MELK: variants seen among roughly 807,000 people sequenced by gnomAD.
MELK encodes the protein pEg3 kinase.
MELK carries 81 observed loss-of-function variants against 85.0 expected under a neutral mutation model. That is an observed-to-expected ratio of 0.95 (90% CI 0.80 to 1.15). MELK has a LOEUF of 1.15. Ranked by LOEUF, MELK falls within the 50% of genes most tolerant of loss-of-function variation. The probability of loss-of-function intolerance (pLI) is 0.00; values close to 1 mark genes in which losing one functional copy is unlikely to be tolerated. For missense variants in MELK, 754 were observed against 777.5 expected, an observed-to-expected ratio of 0.97 and a Z score of 0.36; for synonymous variants, 252 against 265.0, an observed-to-expected ratio of 0.95 and a Z score of 0.48.
intron 4 of MELK, among the ~76,000 whole-genome samples, chr9:36,589,920 GTTTTTT>G (rs566073692): frequency 7.9e-6 from 1 of 125,812 alleles, no homozygotes. Context: ...ACTCATTCTA[GTTTTTT>G]TTTTTTTTTT....
At chr9:36,650,887 AACATGTTGAGAGG>A (rs765425387) in intron 11 of MELK, among the ~76,000 whole-genome samples, 18 of 152,190 alleles carry the variant, frequency 1.2e-4, no homozygotes, top group Non-Finnish European at 2.4e-4. Context: ...GATGTGTGTG[AACATGTTGAGAGG>A]AGGTAAAGTG....
chr9:36,587,807 G>A (rs1017411024), intron 3 of MELK, among the ~76,000 whole-genome samples: 5 of 147,396 alleles, frequency 3.4e-5, no homozygotes, highest in African/African-American at 7.6e-5. Flanking sequence ...ACAGAGTCTC[G>A]CTGTGTCCCC....
At position 36,675,014 on chromosome 9, in the gene MELK, G is replaced by C. The variant is rs373014338; in HGVS notation, c.1778+77G>C. On this transcript the variant is annotated intron_variant, in intron 17 of 17. Transcript: ENST00000298048. ...GAGAAAATAGGAGTTGGTTGGGCGC[G>C]GTGGCTCACGCCTGTAATCCCAGCA... 8.1e-5 allele frequency: 83 copies of C among 1,022,658 alleles called. 1 individual carries two copies. In the East Asian group the frequency reaches 9.7e-4, roughly 12 times the overall value. The allele number at this position is 1,022,658 out of a possible 1,614,324, so 63.3% of individuals were successfully genotyped here.
chr9:36,614,127 C>T (rs1353249973), intron 8 of MELK, among the ~76,000 whole-genome samples: 2 of 147,598 alleles, frequency 1.4e-5, no homozygotes, highest in South Asian at 2.1e-4. Context: ...GACAGAGTCT[C>T]GCCCTGTCGT....
At chr9:36,617,413 A>G (rs933502957) in intron 8 of MELK, among the ~76,000 whole-genome samples, 1 of 151,710 alleles carries the variant, frequency 6.6e-6, no homozygotes, top group African/African-American at 2.4e-5. Flanking sequence ...GTTCATTGCA[A>G]CCTCAATTTC....
chr9:36,647,350 C>G (rs1340057011), intron 11 of MELK, among the ~76,000 whole-genome samples: 1 of 152,100 alleles, frequency 6.6e-6, no homozygotes, highest in Non-Finnish European at 1.5e-5. Flanking sequence ...GTACATGGGG[C>G]TATCATAGAT....
At chr9:36,584,650 T>G (rs112550351) in intron 3 of MELK, among the ~76,000 whole-genome samples, 2,681 of 151,886 alleles carry the variant, frequency 0.018, 72 homozygotes, top group African/African-American at 0.058. Flanking sequence ...TATTTTCTTA[T>G]GATACTCTTA....
intron 13 of MELK, among the ~76,000 whole-genome samples, chr9:36,661,947 A>AC (rs1398366856): frequency 3.1e-4 from 47 of 151,142 alleles, no homozygotes; most frequent in African/African-American, 1.0e-3. Flanking sequence ...AAAAAAAAAA[A>AC]AAAAAAAAAC....
intron 13 of MELK, among the ~76,000 whole-genome samples, chr9:36,660,987 G>A (rs1372504085): frequency 2.6e-5 from 4 of 151,968 alleles, no homozygotes; most frequent in South Asian, 2.1e-4. Flanking sequence ...GCAAAACTCC[G>A]TCTCAAATAA....
At chr9:36,640,385 G>T (rs12376444) in intron 10 of MELK, among the ~76,000 whole-genome samples, 1 of 152,144 alleles carries the variant, frequency 6.6e-6, no homozygotes, top group Non-Finnish European at 1.5e-5. Flanking sequence ...GTGTCCTCAC[G>T]TGGTGGAACG....
At chr9:36,599,013 G>T (rs144512994) in intron 6 of MELK, among the ~76,000 whole-genome samples, 97 of 152,148 alleles carry the variant, frequency 6.4e-4, no homozygotes, top group African/African-American at 2.2e-3. Context: ...AATTTTTATC[G>T]GCCAGGCGTG....
chr9:36,654,828 G>C (rs907058719), intron 12 of MELK, among the ~76,000 whole-genome samples: 2 of 152,118 alleles, frequency 1.3e-5, no homozygotes, highest in African/African-American at 2.4e-5. Context: ...TTTTATGGCA[G>C]ATCAAGAGAC....
chr9:36,607,607 T>C lies in MELK; in HGVS notation c.600T>C (p.Tyr200=). The stretch of plus-strand genomic sequence containing the variant: ...TTTGGAGCATGGGCATACTGTTATA[T>C]GTTCTTATGTGTGGATTTCTACCAT... ...ADVWSMGILL[Y]VLMCGFLPFD... The change falls in exon 8 of 18, where the codon TAT becomes TAC. Residue 200 remains tyrosine, a synonymous_variant. Transcript: ENST00000298048. 1 of 1,613,062 alleles carries C rather than the reference T, an allele frequency of 6.2e-7. No homozygotes were observed. Among genetic ancestry groups the C allele is most frequent in the Non-Finnish European group, 8.5e-7 (1 of 1,179,072 alleles).
chr9:36,611,259 TG>T (rs2135936935), intron 8 of MELK, among the ~76,000 whole-genome samples: 1 of 152,360 alleles, frequency 6.6e-6, no homozygotes, highest in East Asian at 1.9e-4. Flanking sequence ...ATCTGCTAGC[TG>T]GTGTAACACG....
chr9:36,656,207 T>C (rs1261709061), intron 12 of MELK, among the ~76,000 whole-genome samples: 1 of 152,190 alleles, frequency 6.6e-6, no homozygotes, highest in Non-Finnish European at 1.5e-5. Context: ...TGGTAGAAAT[T>C]ATTCACTACC....
rs1216141019 is a variant in MELK, at chr9:36,651,851, A to G, written c.1027A>G (p.Ser343Gly). ...TTCTTCTTTCTCCTGTGGACAAGCCAGTGCTACCCCATTCACAGACATCAA... is the reference window on the plus strand; with the variant it reads ...TTCTTCTTTCTCCTGTGGACAAGCCGGTGCTACCCCATTCACAGACATCAA... Reference protein sequence around the residue: ...RLSSFSCGQASATPFTDIKSN... With the variant: ...RLSSFSCGQAGATPFTDIKSN... Residue 343 changes from serine to glycine, a missense_variant, in exon 12 of 18, where the codon AGT (serine) becomes GGT (glycine). Coordinates refer to ENST00000298048, the MANE Select transcript of MELK (RefSeq NM_014791.4). The G allele has an allele frequency of 6.2e-7, 1 of 1,613,894 alleles. No individual in the cohort carries two copies. The highest frequency in any genetic ancestry group is 1.1e-5 in the South Asian group (1 of 91,040).
chr9:36,574,450 AAAATT>A (rs1319715961), intron 1 of MELK, among the ~76,000 whole-genome samples: 7 of 151,412 alleles, frequency 4.6e-5, no homozygotes, highest in African/African-American at 1.7e-4. Flanking sequence ...AAAAAAAAAA[AAAATT>A]AACCGGGCAT....
chr9:36,655,129 G>C lies in MELK; in HGVS notation c.1054-2112G>C, dbSNP rs573673809. Among the ~76,000 whole-genome samples, 5 of 152,266 alleles carry C rather than the reference G, an allele frequency of 3.3e-5. No homozygotes were observed. The South Asian group carries it at 1.0e-3, about 32-fold the overall frequency. ...TTAGCATTTTCAGGCCCCATGCTGGGCTGCTGGGAAACATATCTGTGTAAA... is the reference window on the plus strand; with the variant it reads ...TTAGCATTTTCAGGCCCCATGCTGGCCTGCTGGGAAACATATCTGTGTAAA... On this transcript the variant is annotated intron_variant, in intron 12 of 17. Coordinates refer to ENST00000298048, the MANE Select transcript of MELK (RefSeq NM_014791.4).
At chr9:36,633,718 T>A (rs1828859937) in intron 10 of MELK, among the ~76,000 whole-genome samples, 1 of 152,174 alleles carries the variant, frequency 6.6e-6, no homozygotes, top group African/African-American at 2.4e-5. Flanking sequence ...ACAAAATAAA[T>A]TTAGCAAAAA....
Sources: gnomAD v4.1 joint callset for allele counts (sites outside exome capture counted in the v4.1 genomes callset) on GRCh38, gnomAD v4.1.1 for gene constraint, MANE v1.5 for transcripts, NCBI Gene and HGNC (gene_info 2026-07-23, HGNC 2026-07-21) for gene names.